The following CSGALNACT2 variants were observed in gnomAD, a reference collection of about 807,000 sequenced individuals.
CSGALNACT2 encodes beta 4 GalNAcT-2.
Under a neutral mutation model 55.3 loss-of-function variants are expected in CSGALNACT2, and 35 were observed. That is an observed-to-expected ratio of 0.63 (90% confidence interval 0.48 to 0.84). CSGALNACT2 has a LOEUF of 0.84. Among genes scored for constraint, CSGALNACT2 ranks in the 40% least tolerant of loss-of-function variants. CSGALNACT2 has a pLI of 0.00. For missense variants in CSGALNACT2, 544 were observed against 657.5 expected (o/e 0.83, Z 1.89); for synonymous variants, 196 against 224.9 (o/e 0.87, Z 1.15).
intron 7 of CSGALNACT2, among the ~76,000 whole-genome samples, chr10:43,180,629 T>C (rs1299731961): frequency 1.3e-5 from 2 of 152,236 alleles, no homozygotes; most frequent in Non-Finnish European, 1.5e-5. Flanking sequence ...CTGTTCATAC[T>C]GTGTTTTTCT....
chr10:43,180,305 G>T (rs1455736031), intron 7 of CSGALNACT2, among the ~76,000 whole-genome samples: 1 of 152,000 alleles, frequency 6.6e-6, no homozygotes, highest in Non-Finnish European at 1.5e-5. Context: ...TTTATTTTCA[G>T]TCTTTTTTTT....
Position 43,165,915 on chromosome 10 carries a change from G to A in CSGALNACT2, c.1160-1089G>A, listed in dbSNP as rs184276248. ...AAGAATTGCTTGAACCTGGGAGACG[G>A]AGGTTGCAATGAGCTGAGATCGCCA... is the stretch of plus-strand genomic sequence containing the variant. On this transcript the variant is annotated intron_variant, in intron 5 of 7. Transcript: ENST00000374466. 3.9e-5 allele frequency among the ~76,000 whole-genome samples: 6 copies of A among 152,276 alleles called. No homozygotes were observed. In the East Asian group the frequency reaches 7.7e-4, roughly 20 times the overall value.
At chr10:43,147,252 G>A (rs1159567742) in intron 1 of CSGALNACT2, among the ~76,000 whole-genome samples, 2 of 152,092 alleles carry the variant, frequency 1.3e-5, no homozygotes, top group Non-Finnish European at 2.9e-5. Context: ...TGGGATTACA[G>A]GCGTGAGCCA....
chr10:43,147,519 T>C (rs1421228980), intron 1 of CSGALNACT2, among the ~76,000 whole-genome samples: 1 of 152,240 alleles, frequency 6.6e-6, no homozygotes, highest in African/African-American at 2.4e-5. Context: ...ATTTATGCTA[T>C]TGAATATCAT....
rs147621600 is a variant in CSGALNACT2 at position 43,156,659 on chromosome 10, G to T, written c.661+849G>T. 4.7e-4 allele frequency among the ~76,000 whole-genome samples: 71 copies of T among 152,382 alleles called. 1 individual carries two copies. In the East Asian group the frequency reaches 0.012, roughly 26 times the overall value. ...GTGAGGATGGTTTTGGGATGAAACTGTTCCACCTCAGATCATCTGGCATTA... is the reference window on the plus strand; with the variant it reads ...GTGAGGATGGTTTTGGGATGAAACTTTTCCACCTCAGATCATCTGGCATTA... On this transcript the variant is annotated intron_variant, in intron 2 of 7. Coordinates refer to ENST00000374466, the MANE Select transcript of CSGALNACT2 (RefSeq NM_018590.5).
At chr10:43,141,714 T>TA (rs1259566825) in intron 1 of CSGALNACT2, among the ~76,000 whole-genome samples, 1 of 144,712 alleles carries the variant, frequency 6.9e-6, no homozygotes, top group African/African-American at 2.6e-5. Context: ...ATACATCTAA[T>TA]AGGAGTTCCA....
At chr10:43,139,705 T>A (rs370110867) in intron 1 of CSGALNACT2, among the ~76,000 whole-genome samples, 1 of 152,242 alleles carries the variant, frequency 6.6e-6, no homozygotes, top group Non-Finnish European at 1.5e-5. Context: ...TCTTATCTGC[T>A]TTTAGTTTTC....
chr10:43,157,177 T>C (rs928222775), intron 2 of CSGALNACT2, among the ~76,000 whole-genome samples: 2 of 152,206 alleles, frequency 1.3e-5, no homozygotes, highest in Admixed American at 6.5e-5. Flanking sequence ...TTGTAGCTTA[T>C]GGCAGAATTG....
intron 1 of CSGALNACT2, among the ~76,000 whole-genome samples, chr10:43,144,305 ATT>A (rs1431838289): frequency 6.6e-6 from 1 of 152,200 alleles, no homozygotes; most frequent in Non-Finnish European, 1.5e-5. Context: ...AGTACCAAAA[ATT>A]GTGTATAATC....
At chr10:43,150,809 C>G (rs950101386) in intron 1 of CSGALNACT2, among the ~76,000 whole-genome samples, 2 of 152,170 alleles carry the variant, frequency 1.3e-5, no homozygotes, top group South Asian at 2.1e-4. Flanking sequence ...GACTCCTTCC[C>G]CCTTCTTTGG....
intron 6 of CSGALNACT2, among the ~76,000 whole-genome samples, chr10:43,170,935 A>G (rs1441662614): frequency 6.6e-6 from 1 of 152,212 alleles, no homozygotes; most frequent in East Asian, 1.9e-4. Flanking sequence ...TTCTTCCTCA[A>G]AACTGTCAGG....
intron 1 of CSGALNACT2, among the ~76,000 whole-genome samples, chr10:43,149,151 C>T (rs1838822300): frequency 1.3e-5 from 2 of 152,104 alleles, no homozygotes; most frequent in African/African-American, 4.8e-5. Flanking sequence ...GGCGTGATCT[C>T]GGCTCACTGC....
At chr10:43,144,775 GT>G (rs1298028064) in intron 1 of CSGALNACT2, among the ~76,000 whole-genome samples, 1 of 152,082 alleles carries the variant, frequency 6.6e-6, no homozygotes, top group Admixed American at 6.5e-5. Flanking sequence ...ACTCCCAAAA[GT>G]TTTTTCACCC....
chr10:43,141,294 T>C (rs1326281539), intron 1 of CSGALNACT2, among the ~76,000 whole-genome samples: 1 of 152,010 alleles, frequency 6.6e-6, no homozygotes. Flanking sequence ...CTCGGCTTAC[T>C]GCGAGCTCCA....
Position 43,158,889 on chromosome 10 carries a change from C to T in CSGALNACT2, c.836C>T (p.Ala279Val). ...RSIINIIVPL[A>V]ERTEAFVQFM... is the part of the protein sequence containing the mutation. Reference sequence around the variant, plus strand: ...ATTATTAATATCATTGTGCCACTTGCTGAAAGAACTGAAGCATTTGTACAA... The same window carrying T: ...ATTATTAATATCATTGTGCCACTTGTTGAAAGAACTGAAGCATTTGTACAA... Residue 279 changes from alanine (A) to valine (V), a missense_variant, in exon 3 of 8, where the codon GCT (alanine) becomes GTT (valine). Around this residue, in one of 2 missense-constraint regions of CSGALNACT2, gnomAD observed 374 missense variants for 401.3 expected, o/e 0.93. Coordinates refer to ENST00000374466, the MANE Select transcript of CSGALNACT2 (RefSeq NM_018590.5). The T allele has an allele frequency of 1.9e-6, 3 of 1,610,790 alleles. No homozygotes were observed. The highest frequency in any genetic ancestry group is 1.7e-6 in the Non-Finnish European group (2 of 1,177,464).
At chr10:43,172,672 C>T (rs1839405041) in intron 6 of CSGALNACT2, among the ~76,000 whole-genome samples, 1 of 152,210 alleles carries the variant, frequency 6.6e-6, no homozygotes, top group Non-Finnish European at 1.5e-5. Context: ...ACCACTGGCA[C>T]CCTGACACTT....
At chr10:43,162,616 C>T (rs1313640731) in intron 4 of CSGALNACT2, 1 of 985,322 alleles carries the variant, frequency 1.0e-6, no homozygotes, top group East Asian at 1.1e-4. Flanking sequence ...TTTGTTCCAT[C>T]TCTCCATTAC....
At chr10:43,142,085 A>T (rs1195582922) in intron 1 of CSGALNACT2, among the ~76,000 whole-genome samples, 1 of 152,154 alleles carries the variant, frequency 6.6e-6, no homozygotes, top group East Asian at 1.9e-4. Context: ...AAAGTGTAAA[A>T]ATTTTTTAGA....
intron 4 of CSGALNACT2, chr10:43,162,076 T>G: frequency 2.0e-6 from 1 of 496,344 alleles, no homozygotes; most frequent in Non-Finnish European, 4.0e-6. Context: ...ACAACCAAAT[T>G]TGGGGAAGAA....
Sources: gnomAD v4.1 joint callset for allele counts (sites outside exome capture counted in the v4.1 genomes callset) on GRCh38, gnomAD v4.1.1 for gene constraint, gnomAD v4.1.1 regional missense constraint, MANE v1.5 for transcripts, NCBI Gene and HGNC (gene_info 2026-07-23, HGNC 2026-07-21) for gene names.